RAP1B: variants seen among roughly 807,000 people sequenced by gnomAD.
The protein encoded by RAP1B is RAP1B, member of RAS oncogene family, also known as ras-related protein Rap-1b.
In RAP1B, 1 loss-of-function variant was observed where a neutral mutation model predicts 27.5. The observed-to-expected ratio is 0.04, with a 90% confidence interval of 0.01 to 0.17. RAP1B has a LOEUF of 0.17. RAP1B is among the 10% of genes least tolerant of loss of function. RAP1B has a pLI of 1.00. For synonymous variants in RAP1B, 75 were observed against 73.1 expected (o/e 1.03, Z -0.13); for missense variants, 84 against 214.8 (o/e 0.39, Z 3.81).
chr12:68,627,263 CATACA>C (rs140347699), intron 1 of RAP1B: 24,681 of 1,015,928 alleles, frequency 0.024, 1,309 homozygotes, highest in African/African-American at 0.19. Flanking sequence ...TAGAGCAACC[CATACA>C]ATACAACACA....
In RAP1B at chr12:68,661,033, T is replaced by A. The variant is rs1372343955; in HGVS notation, c.*1784T>A. On this transcript the variant is annotated 3_prime_UTR_variant, in exon 8 of 8. Transcript: ENST00000250559. ...AATTATTTTAAAACTTTTTAAAAAT[T>A]GTAAAGCTCTTAAAAAACTTTTTGA... 1 of 152,204 alleles carries A rather than the reference T, an allele frequency of 6.6e-6. No homozygotes were observed. Among genetic ancestry groups the A allele is most frequent in the African/African-American group, 2.4e-5 (1 of 41,446 alleles). The allele number at this position is 152,204 out of a possible 1,614,324, so 9.4% of individuals were successfully genotyped here. A position where few individuals can be genotyped will look rare whatever the true frequency, so the allele number is the denominator to read the frequency against.
intron 1 of RAP1B, among the ~76,000 whole-genome samples, chr12:68,615,898 T>A (rs1870955138): frequency 6.6e-6 from 1 of 152,186 alleles, no homozygotes; most frequent in Non-Finnish European, 1.5e-5. Context: ...TTGAATGTTT[T>A]TAACTGTTGT....
At chr12:68,615,807 A>G (rs1003433043) in intron 1 of RAP1B, among the ~76,000 whole-genome samples, 1 of 152,132 alleles carries the variant, frequency 6.6e-6, no homozygotes, top group African/African-American at 2.4e-5. Flanking sequence ...ACACACACAT[A>G]TACATATATC....
At position 68,627,065 on chromosome 12, in the gene RAP1B, C is replaced by T. The variant is rs1592431311; in HGVS notation, c.-27+16022C>T. 9 of 1,593,806 alleles carry T rather than the reference C, an allele frequency of 5.6e-6. No individual in the cohort carries two copies. The East Asian group carries it at 2.0e-4, about 36-fold the overall frequency. ...ACTTGAACTTGGCCCTGCGCAGGGC[C>T]TCAATCACATGCTCCTTGTTCTGCA... On this transcript the variant is annotated intron_variant, in intron 1 of 7. Coordinates refer to ENST00000250559, the MANE Select transcript of RAP1B (RefSeq NM_001010942.3).
At chr12:68,627,154 T>C in intron 1 of RAP1B, 1 of 1,568,444 alleles carries the variant, frequency 6.4e-7, no homozygotes, top group South Asian at 1.1e-5. Context: ...CCCTGGGGCT[T>C]CCCAAAGGCA....
Position 68,612,699 on chromosome 12 carries a change from T to C in RAP1B, c.-27+1656T>C, listed in dbSNP as rs146094670. 4.1e-3 allele frequency among the ~76,000 whole-genome samples: 626 copies of C among 152,338 alleles called. 6 individuals are homozygous for C. The highest frequency in any genetic ancestry group is 6.8e-3 in the Middle Eastern group (2 of 294). Reference sequence around the variant, plus strand: ...CTTGAGTAGTTTCATCCTCAGGTTTTAGGTGAGGAAACTGATACTCAGATT... The same window carrying C: ...CTTGAGTAGTTTCATCCTCAGGTTTCAGGTGAGGAAACTGATACTCAGATT... On this transcript the variant is annotated intron_variant, in intron 1 of 7. Transcript: ENST00000250559.
chr12:68,615,233 C>T (rs1201066520), intron 1 of RAP1B, among the ~76,000 whole-genome samples: 1 of 151,862 alleles, frequency 6.6e-6, no homozygotes, highest in African/African-American at 2.4e-5. Flanking sequence ...TCCTTTGAAT[C>T]AGTAGAGGGT....
Position 68,610,982 on chromosome 12 carries a change from G to C in RAP1B, c.-88G>C. ...CGGCAGGACCGCCGTGGCGCCTAGA[G>C]TAGCGACCCGGGGGGAGCGCGGGGC... On this transcript the variant is annotated 5_prime_UTR_variant, in exon 1 of 8. Transcript: ENST00000250559. 3.1e-6 allele frequency: 1 copy of C among 319,412 alleles called. No homozygotes were observed. The allele number at this position is 319,412 out of a possible 1,614,324, so 19.8% of individuals were successfully genotyped here.
At chr12:68,626,747 G>T (rs1367503392) in intron 1 of RAP1B, 7 of 887,404 alleles carry the variant, frequency 7.9e-6, no homozygotes, top group Non-Finnish European at 1.2e-5. Context: ...AAGGAAGAGG[G>T]AAGGTAGTAT....
intron 1 of RAP1B, among the ~76,000 whole-genome samples, chr12:68,634,394 G>A (rs187470566): frequency 5.0e-4 from 76 of 152,222 alleles, no homozygotes; most frequent in African/African-American, 1.7e-3. Context: ...CCCAGACAAT[G>A]GGATCTAAAG....
chr12:68,650,368 G>A (rs1378503800), intron 2 of RAP1B, 32 bp from the exon 3 acceptor site: 1 of 1,480,314 alleles, frequency 6.8e-7, no homozygotes, highest in Admixed American at 2.3e-5. Context: ...CTTTTCTTTA[G>A]AAGTATAATG....
At chr12:68,612,104 G>C (rs1870644695) in intron 1 of RAP1B, among the ~76,000 whole-genome samples, 1 of 152,082 alleles carries the variant, frequency 6.6e-6, no homozygotes, top group African/African-American at 2.4e-5. Context: ...ACATTTTTAC[G>C]GGGTAGAAAG....
At chr12:68,636,945 C>T (rs779472809) in intron 1 of RAP1B, among the ~76,000 whole-genome samples, 1 of 152,142 alleles carries the variant, frequency 6.6e-6, no homozygotes, top group Non-Finnish European at 1.5e-5. Flanking sequence ...TGAGCCACCA[C>T]ACCCGGCCTG....
intron 1 of RAP1B, among the ~76,000 whole-genome samples, chr12:68,616,438 A>ATTTTTT (rs142174644): frequency 2.2e-5 from 2 of 89,450 alleles, no homozygotes; most frequent in African/African-American, 1.0e-4. Context: ...TGCCTGGCTA[A>ATTTTTT]TTTTTTTTTT....
intron 1 of RAP1B, among the ~76,000 whole-genome samples, chr12:68,631,773 C>T (rs982253669): frequency 1.3e-5 from 2 of 152,048 alleles, no homozygotes; most frequent in African/African-American, 4.8e-5. Context: ...TTTTGTACAT[C>T]TCATGATATT....
intron 1 of RAP1B, among the ~76,000 whole-genome samples, chr12:68,620,881 C>G (rs1399742969): frequency 1.3e-5 from 2 of 152,150 alleles, no homozygotes; most frequent in African/African-American, 4.8e-5. Context: ...AGCCACCGCA[C>G]CGGTCTGGTT....
Position 68,670,511 on chromosome 12 carries a change from G to A in RAP1B, c.*11262G>A, listed in dbSNP as rs1875043754. The A allele has an allele frequency of 6.6e-6, 1 of 152,146 alleles. No homozygotes were observed. The highest frequency in any genetic ancestry group is 6.5e-5 in the Admixed American group (1 of 15,272). 9.4% of individuals were successfully genotyped at this position (152,146 alleles called of 1,614,324 possible). A position where few individuals can be genotyped will look rare whatever the true frequency, so the allele number is the denominator to read the frequency against. ...TCAAGTAAATAATAAGTGTGTGTGT[G>A]TGTACACACAGATGCTTCTCAGCTT... On this transcript the variant is annotated 3_prime_UTR_variant, in exon 8 of 8. Transcript: ENST00000250559.
At chr12:68,650,588 G>A in intron 3 of RAP1B, 120 bp downstream of exon 3, 1 of 965,534 alleles carries the variant, frequency 1.0e-6, no homozygotes, top group Non-Finnish European at 1.4e-6. Context: ...TAAAATTAGT[G>A]GGAAAAGTTT....
At chr12:68,614,086 A>G (rs958342226) in intron 1 of RAP1B, among the ~76,000 whole-genome samples, 1 of 152,260 alleles carries the variant, frequency 6.6e-6, no homozygotes, top group Non-Finnish European at 1.5e-5. Context: ...CTATGCAAAG[A>G]TTGATAACAT....
Sources: allele counts gnomAD v4.1 joint callset (sites outside exome capture counted in the v4.1 genomes callset), GRCh38; gene constraint gnomAD v4.1.1; transcripts MANE v1.5; gene names NCBI Gene and HGNC (gene_info 2026-07-23, HGNC 2026-07-21).